The following SHMT1 variants were observed in gnomAD, a reference collection of about 807,000 sequenced individuals.
SHMT1 encodes serine hydroxymethyltransferase 1.
A neutral mutation model predicts 49.0 loss-of-function variants in SHMT1; 45 were observed. That is an observed-to-expected ratio of 0.92 (90% CI 0.72 to 1.18). The LOEUF is 1.18. Among genes scored for constraint, SHMT1 ranks in the 50% most tolerant of loss-of-function variants. SHMT1 has a pLI of 0.00. For synonymous variants in SHMT1, 232 were observed against 246.6 expected (o/e 0.94, Z 0.55); for missense variants, 541 against 612.4 (o/e 0.88, Z 1.23).
chr17:18,356,740 A>G (rs959304801), intron 1 of SHMT1, among the ~76,000 whole-genome samples: 3 of 152,124 alleles, frequency 2.0e-5, no homozygotes, highest in Non-Finnish European at 4.4e-5. Flanking sequence ...AAACACGAGC[A>G]TGTTCTATTG....
chr17:18,358,857 T>C (rs1986495292), intron 1 of SHMT1, among the ~76,000 whole-genome samples: 1 of 152,112 alleles, frequency 6.6e-6, no homozygotes, highest in Non-Finnish European at 1.5e-5. Flanking sequence ...GAGCCGTGAT[T>C]GTGGCAGTGC....
Position 18,340,431 on chromosome 17 carries a change from CT to C in SHMT1, c.602-177del. The C allele has an allele frequency of 2.7e-6, 2 of 734,788 alleles. No individual in the cohort carries two copies. The highest frequency in any genetic ancestry group is 4.7e-6 in the Non-Finnish European group (2 of 426,472). The allele number at this position is 734,788 out of a possible 1,614,324, so 45.5% of individuals were successfully genotyped here. A position where few individuals can be genotyped will look rare whatever the true frequency, so the allele number is the denominator to read the frequency against. On this transcript the variant is annotated intron_variant, in intron 6 of 11. Coordinates refer to ENST00000316694, the MANE Select transcript of SHMT1 (RefSeq NM_004169.5). The surrounding 1 kb of genome is among the most constrained non-coding windows in gnomAD (Gnocchi z 4.5). Reference sequence around the variant, plus strand: ...CACCTCTGTGCTAAAGGCAACCACTCTAACTCTTCAACGTCTTGGTGGTTGA... The same window carrying C: ...CACCTCTGTGCTAAAGGCAACCACTCAACTCTTCAACGTCTTGGTGGTTGA...
chr17:18,351,146 T>C (rs1985651004), intron 3 of SHMT1, among the ~76,000 whole-genome samples: 1 of 151,590 alleles, frequency 6.6e-6, no homozygotes, highest in African/African-American at 2.4e-5. Context: ...TTATTTTTAT[T>C]TTTATTATTT....
chr17:18,333,961 T>G (rs1041372738), intron 8 of SHMT1, among the ~76,000 whole-genome samples: 1 of 151,604 alleles, frequency 6.6e-6, no homozygotes, highest in African/African-American at 2.4e-5. Context: ...TTTTGAGAGA[T>G]GGAGTCTCGC....
chr17:18,338,901 A>G (rs960813794), intron 7 of SHMT1, among the ~76,000 whole-genome samples: 1 of 152,132 alleles, frequency 6.6e-6, no homozygotes, highest in South Asian at 2.1e-4. Context: ...CAGGGACACA[A>G]ACACTGCGGA....
At chr17:18,343,118 T>C (rs1325763319) in intron 5 of SHMT1, among the ~76,000 whole-genome samples, 1 of 152,102 alleles carries the variant, frequency 6.6e-6, no homozygotes, top group Non-Finnish European at 1.5e-5. Context: ...GAGTGGGATA[T>C]GTTAGTTAAC....
At chr17:18,358,082 G>C (rs1986414080) in intron 1 of SHMT1, among the ~76,000 whole-genome samples, 2 of 143,670 alleles carry the variant, frequency 1.4e-5, no homozygotes, top group African/African-American at 2.6e-5. Context: ...TAGCCAGGAT[G>C]GTCTCGGCCT....
chr17:18,348,102 T>C (rs950266925), intron 4 of SHMT1: 4 of 530,836 alleles, frequency 7.5e-6, no homozygotes, highest in African/African-American at 3.8e-5. Context: ...GTATTTTTAG[T>C]GGAGACCGGG....
rs1446807378 is a variant in SHMT1 at position 18,328,570 on chromosome 17, G to A, written c.*180C>T. ...AACCTGTCCCAGAATTACTAACAATGAGACTTAAACAAATTTTGATTTGTG... is the reference window on the plus strand; with the variant it reads ...AACCTGTCCCAGAATTACTAACAATAAGACTTAAACAAATTTTGATTTGTG... On this transcript the variant is annotated 3_prime_UTR_variant, in exon 12 of 12. Coordinates refer to ENST00000316694, the MANE Select transcript of SHMT1 (RefSeq NM_004169.5). 2 of 642,812 alleles carry A rather than the reference G, an allele frequency of 3.1e-6. No individual in the cohort carries two copies. The highest frequency in any genetic ancestry group is 3.7e-5 in the African/African-American group (2 of 54,540). 39.8% of individuals were successfully genotyped at this position (642,812 alleles called of 1,614,324 possible). A position where few individuals can be genotyped will look rare whatever the true frequency, so the allele number is the denominator to read the frequency against.
In SHMT1 at chr17:18,340,409, C is replaced by G; in HGVS notation, c.602-154G>C. 1.2e-6 allele frequency: 1 copy of G among 843,430 alleles called. No individual in the cohort carries two copies. The highest frequency in any genetic ancestry group is 1.9e-6 in the Non-Finnish European group (1 of 517,982). The allele number at this position is 843,430 out of a possible 1,614,324, so 52.2% of individuals were successfully genotyped here. On this transcript the variant is annotated intron_variant, in intron 6 of 11. Coordinates refer to ENST00000316694, the MANE Select transcript of SHMT1 (RefSeq NM_004169.5). This position sits in a 1 kb window ranked among gnomAD's most constrained non-coding sequence, Gnocchi z 4.5. ...AATGGAGAATGCCCTCAAAAAGCAC[C>G]TCTGTGCTAAAGGCAACCACTCTAA... is the stretch of plus-strand genomic sequence containing the variant.
intron 9 of SHMT1, chr17:18,332,946 C>T: frequency 3.1e-6 from 2 of 637,938 alleles, no homozygotes; most frequent in South Asian, 3.2e-5. Context: ...CAATGGCAAC[C>T]ACTATTCCCA....
intron 7 of SHMT1, among the ~76,000 whole-genome samples, chr17:18,337,124 T>C (rs1410068932): frequency 6.6e-6 from 1 of 152,136 alleles, no homozygotes; most frequent in Non-Finnish European, 1.5e-5. Context: ...CTCTAATCAC[T>C]TTACATAAAT....
At chr17:18,361,311 A>AC (rs1020165047) in intron 1 of SHMT1, among the ~76,000 whole-genome samples, 2 of 149,186 alleles carry the variant, frequency 1.3e-5, no homozygotes, top group East Asian at 2.0e-4. Flanking sequence ...AAAAAAAAAA[A>AC]AAAACAAAAA....
At chr17:18,339,869 T>G (rs185120166) in intron 7 of SHMT1, among the ~76,000 whole-genome samples, 174 bp downstream of exon 7, 194 of 152,314 alleles carry the variant, frequency 1.3e-3, no homozygotes, top group African/African-American at 4.5e-3. Context: ...CGGGAATCCT[T>G]TCTGTAAAGC....
rs1457718469 is a variant in SHMT1, at chr17:18,340,949, A to G, written c.520-136T>C. On this transcript the variant is annotated intron_variant, in intron 5 of 11. Transcript: ENST00000316694. The surrounding 1 kb of genome is among the most constrained non-coding windows in gnomAD (Gnocchi z 4.5). ...GATGAGGACTTGAGGGTGAGACAGGATGGATACTGGTGTGTTCAGCCTGCT... is the reference window on the plus strand; with the variant it reads ...GATGAGGACTTGAGGGTGAGACAGGGTGGATACTGGTGTGTTCAGCCTGCT... 3 of 717,446 alleles carry G rather than the reference A, an allele frequency of 4.2e-6. No homozygotes were observed. Among genetic ancestry groups the G allele is most frequent in the African/African-American group, 3.5e-5 (2 of 57,496 alleles). The allele number at this position is 717,446 out of a possible 1,614,324, so 44.4% of individuals were successfully genotyped here.
In SHMT1 at chr17:18,335,592, G is replaced by T; in HGVS notation, c.898C>A (p.Leu300Met). The T allele has an allele frequency of 6.2e-7, 1 of 1,613,206 alleles. No individual in the cohort carries two copies. Among genetic ancestry groups the T allele is most frequent in the Non-Finnish European group, 8.5e-7 (1 of 1,179,300 alleles). The change falls in exon 8 of 12, where the codon CTG becomes ATG. Residue 300 changes from leucine (L) to methionine (M), a missense_variant. Transcript: ENST00000316694. ...GCGTGGTTGTGGGGACCTCCCTGCA[G>T]GCCAGGGAACACAGCAGAATTGATA... The part of the protein sequence containing the change: ...SLINSAVFPG[L>M]QGGPHNHAIA...
chr17:18,334,111 GTATT>G (rs1178587824), intron 8 of SHMT1, among the ~76,000 whole-genome samples: 1 of 151,948 alleles, frequency 6.6e-6, no homozygotes, highest in Non-Finnish European at 1.5e-5. Context: ...GCTAATTTTT[GTATT>G]TTTTAGTAGA....
chr17:18,341,794 T>G (rs900249517), intron 5 of SHMT1: 10 of 152,204 alleles, frequency 6.6e-5, no homozygotes, highest in African/African-American at 2.4e-4. Flanking sequence ...CACAAAATGC[T>G]TGACAAATTA....
chr17:18,362,860 G>A (rs1172455500), intron 1 of SHMT1: 1 of 152,282 alleles, frequency 6.6e-6, no homozygotes, highest in African/African-American at 2.4e-5. Context: ...GGGATCTGGT[G>A]GCACGGGCCA....
Sources: gnomAD v4.1 joint callset for allele counts (sites outside exome capture counted in the v4.1 genomes callset) on GRCh38, gnomAD v4.1.1 for gene constraint, Gnocchi (gnomAD v3.1) non-coding constraint, MANE v1.5 for transcripts, NCBI Gene and HGNC (gene_info 2026-07-23, HGNC 2026-07-21) for gene names.